The following PDPK1 variants were observed in gnomAD, a reference collection of about 807,000 sequenced individuals.
PDPK1 encodes the protein 3-phosphoinositide dependent protein kinase 1.
A neutral mutation model predicts 39.8 loss-of-function variants in PDPK1; 7 were observed. The observed-to-expected ratio is 0.18, with a 90% CI of 0.10 to 0.33. PDPK1 has a LOEUF of 0.33. Ranked by LOEUF, PDPK1 falls within the 10% of genes least tolerant of loss-of-function variation. The pLI is 1.00. For missense variants in PDPK1, 182 were observed against 384.7 expected, an observed-to-expected ratio of 0.47 and a Z score of 4.41; for synonymous variants, 118 against 159.1, an observed-to-expected ratio of 0.74 and a Z score of 1.95.
Position 2,597,474 on chromosome 16 carries a change from G to T in PDPK1, c.1555-177G>T, listed in dbSNP as rs1013268347. ...CACCCTGTGCTTGTTTTTCAGTTTGGTGGTGACTGGGGGTGGTGGTCATCA... is the reference window on the plus strand; with the variant it reads ...CACCCTGTGCTTGTTTTTCAGTTTGTTGGTGACTGGGGGTGGTGGTCATCA... On this transcript the variant is annotated intron_variant, in intron 13 of 13. Transcript: ENST00000342085. The surrounding 1 kb of genome is among the most constrained non-coding windows in gnomAD (Gnocchi z 6.3). 6.6e-6 allele frequency among the ~76,000 whole-genome samples: 1 copy of T among 152,160 alleles called. No individual in the cohort carries two copies. The highest frequency in any genetic ancestry group is 1.5e-5 in the Non-Finnish European group (1 of 68,028).
At position 2,599,090 on chromosome 16, in the gene PDPK1, C is replaced by T. The variant is rs770202665; in HGVS notation, c.*1323C>T. On this transcript the variant is annotated 3_prime_UTR_variant, in exon 14 of 14. Coordinates refer to ENST00000342085, the MANE Select transcript of PDPK1 (RefSeq NM_002613.5). ...GCTTTGGTGGCCTTGCCCCGCTCTG[C>T]AGCACAGACAGGCCAGATGCATTTG... The T allele has an allele frequency of 4.3e-6, 1 of 233,470 alleles. No homozygotes were observed. The highest frequency in any genetic ancestry group is 8.5e-6 in the Non-Finnish European group (1 of 118,160). 14.5% of individuals were successfully genotyped at this position (233,470 alleles called of 1,614,324 possible). A position where few individuals can be genotyped will look rare whatever the true frequency, so the allele number is the denominator to read the frequency against.
At chr16:2,540,103 C>T (rs116150821) in intron 1 of PDPK1, among the ~76,000 whole-genome samples, 3,028 of 152,252 alleles carry the variant, frequency 0.02, 43 homozygotes, top group African/African-American at 0.07. Context: ...AGAGGCAGCC[C>T]TGATCCTGGA....
intron 11 of PDPK1, chr16:2,592,462 A>G: frequency 3.3e-6 from 1 of 300,872 alleles, no homozygotes. Flanking sequence ...AGACAGTAGA[A>G]AATCAAGGTG....
chr16:2,546,144 C>T (rs551415537), intron 1 of PDPK1, among the ~76,000 whole-genome samples: 3 of 151,830 alleles, frequency 2.0e-5, no homozygotes, highest in African/African-American at 7.3e-5. Context: ...AGTGCAGTGG[C>T]GCGATCTCGG....
rs185488912 is a variant in PDPK1, at chr16:2,587,477, C to T, written c.1343+584C>T. Among the ~76,000 whole-genome samples, 5 of 152,202 alleles carry T rather than the reference C, an allele frequency of 3.3e-5. No individual in the cohort carries two copies. The East Asian group carries it at 7.7e-4, about 24-fold the overall frequency. On this transcript the variant is annotated intron_variant, in intron 11 of 13. Transcript: ENST00000342085. ...CCATTTGTGTTTCTTTTTTGAGGTACTTTGTGTCCTTTGACTATTCTTTCT... is the reference window on the plus strand; with the variant it reads ...CCATTTGTGTTTCTTTTTTGAGGTATTTTGTGTCCTTTGACTATTCTTTCT...
intron 2 of PDPK1, among the ~76,000 whole-genome samples, chr16:2,560,954 T>C (rs1225783520): frequency 6.6e-6 from 1 of 151,552 alleles, no homozygotes; most frequent in East Asian, 1.9e-4. Context: ...CGCAGGGCCA[T>C]GCATTGCTGG....
At chr16:2,589,516 T>C (rs559639108) in intron 11 of PDPK1, among the ~76,000 whole-genome samples, 1 of 152,066 alleles carries the variant, frequency 6.6e-6, no homozygotes, top group Non-Finnish European at 1.5e-5. Context: ...ACTGAAACCC[T>C]GTCTCTACAA....
At chr16:2,540,011 G>A (rs1337470680) in intron 1 of PDPK1, among the ~76,000 whole-genome samples, 1 of 152,216 alleles carries the variant, frequency 6.6e-6, no homozygotes, top group Non-Finnish European at 1.5e-5. Flanking sequence ...GAAGTGTCAC[G>A]AACGAGCGTT....
chr16:2,576,351 G>A (rs2066709036), intron 6 of PDPK1: 1 of 148,586 alleles, frequency 6.7e-6, no homozygotes, highest in Non-Finnish European at 1.5e-5. Flanking sequence ...TTGGCCCTTG[G>A]TTTGGTTGTC....
chr16:2,584,833 T>C (rs74003033), intron 10 of PDPK1, among the ~76,000 whole-genome samples: 3,280 of 152,256 alleles, frequency 0.022, 128 homozygotes, highest in African/African-American at 0.074. Context: ...TGCCGCTTGA[T>C]GTGGCCACCT....
chr16:2,546,471 T>A (rs1271837069), intron 1 of PDPK1, among the ~76,000 whole-genome samples: 1 of 152,172 alleles, frequency 6.6e-6, no homozygotes, highest in African/African-American at 2.4e-5. Flanking sequence ...GTAGCTGGGA[T>A]TACAGGCTCC....
intron 1 of PDPK1, among the ~76,000 whole-genome samples, chr16:2,542,642 C>G (rs2066265464): frequency 6.6e-6 from 1 of 152,260 alleles, no homozygotes; most frequent in East Asian, 1.9e-4. Flanking sequence ...CATGTAGTTC[C>G]TGGACAGTCC....
intron 11 of PDPK1, among the ~76,000 whole-genome samples, chr16:2,590,047 GC>G (rs1729365313): frequency 6.6e-6 from 1 of 152,196 alleles, no homozygotes; most frequent in African/African-American, 2.4e-5. Flanking sequence ...TTGTGCTTTT[GC>G]CTCACAGTGG....
chr16:2,541,058 C>T (rs1355821762), intron 1 of PDPK1, among the ~76,000 whole-genome samples: 2 of 152,178 alleles, frequency 1.3e-5, no homozygotes, highest in Admixed American at 6.5e-5. Flanking sequence ...CCCTGACAGC[C>T]AGTCCAAGCT....
At position 2,598,235 on chromosome 16, in the gene PDPK1, G is replaced by C. The variant is rs1371929004; in HGVS notation, c.*468G>C. ...CTGTGGTCCTGGAACTCTTCACCAG[G>C]GAGGGAGCCCTGCGGGGGCCGCAGC... On this transcript the variant is annotated 3_prime_UTR_variant, in exon 14 of 14. Transcript: ENST00000342085. The C allele has an allele frequency of 4.3e-6, 1 of 231,032 alleles. No individual in the cohort carries two copies. The highest frequency in any genetic ancestry group is 8.4e-6 in the Non-Finnish European group (1 of 119,212). 14.3% of individuals were successfully genotyped at this position (231,032 alleles called of 1,614,324 possible). A position where few individuals can be genotyped will look rare whatever the true frequency, so the allele number is the denominator to read the frequency against.
chr16:2,602,342 TGAG>T lies in PDPK1; in HGVS notation c.*4581_*4583del, dbSNP rs2067234466. 1 of 234,456 alleles carries T rather than the reference TGAG, an allele frequency of 4.3e-6. No individual in the cohort carries two copies. Among genetic ancestry groups the T allele is most frequent in the East Asian group, 6.0e-5 (1 of 16,582 alleles). 14.5% of individuals were successfully genotyped at this position (234,456 alleles called of 1,614,324 possible). A position where few individuals can be genotyped will look rare whatever the true frequency, so the allele number is the denominator to read the frequency against. ...TGAGGCTGCCTGTGGAGAACTGGTG[TGAG>T]GAGGAAGCTGTTTCCAACAAAGAGC... is the stretch of plus-strand genomic sequence containing the variant. On this transcript the variant is annotated 3_prime_UTR_variant, in exon 14 of 14. Coordinates refer to ENST00000342085, the MANE Select transcript of PDPK1 (RefSeq NM_002613.5).
chr16:2,592,996 A>C (rs774458493), intron 11 of PDPK1: 34 of 456,146 alleles, frequency 7.5e-5, no homozygotes, highest in Non-Finnish European at 4.8e-5. Context: ...CACTGCTGGG[A>C]GTGCCTCTGG....
chr16:2,541,767 A>G (rs1274701213), intron 1 of PDPK1, among the ~76,000 whole-genome samples: 5 of 152,228 alleles, frequency 3.3e-5, no homozygotes, highest in Non-Finnish European at 5.9e-5. Flanking sequence ...GCATTCTTCT[A>G]CAGCAGAATT....
At chr16:2,540,069 G>A (rs1395293979) in intron 1 of PDPK1, among the ~76,000 whole-genome samples, 2 of 152,222 alleles carry the variant, frequency 1.3e-5, no homozygotes, top group African/African-American at 4.8e-5. Context: ...GTGAGAACAT[G>A]CCGTGTTTCC....
Sources: allele counts gnomAD v4.1 joint callset (sites outside exome capture counted in the v4.1 genomes callset), GRCh38; gene constraint gnomAD v4.1.1; non-coding constraint Gnocchi (gnomAD v3.1); transcripts MANE v1.5; gene names NCBI Gene and HGNC (gene_info 2026-07-23, HGNC 2026-07-21).